MRM2: variants seen among roughly 807,000 people sequenced by gnomAD.
MRM2 encodes mitochondrial rRNA methyltransferase 2.
A neutral mutation model predicts 10.9 loss-of-function variants in MRM2; 15 were observed. The ratio of observed to expected loss-of-function variants is 1.37; its 90% CI spans 0.92 to 2.11. MRM2 has a LOEUF of 2.11. MRM2 is among the 30% of genes most tolerant of loss of function. The pLI, the probability that MRM2 is intolerant of heterozygous loss-of-function variation, is 0.00. For synonymous variants in MRM2, 139 were observed against 128.7 expected (o/e 1.08, Z -0.54); for missense variants, 328 against 321.3 (o/e 1.02, Z -0.16).
Position 2,235,314 on chromosome 7 carries a change from G to A in MRM2, c.549C>T (p.Asp183=), listed in dbSNP as rs1047679335. The change falls in exon 3 of 3, where the codon GAC becomes GAT. Residue 183 remains aspartate (D), a synonymous_variant. Coordinates refer to ENST00000242257, the MANE Select transcript of MRM2 (RefSeq NM_013393.3). ...LCLTLLSVTP[D]ILQPGGTFLC... is the part of the protein sequence containing the mutation. ...GGAATGTCCCCCCAGGTTGCAGGAT[G>A]TCTGGGGTCACGCTGAGAAGGGTCA... 1.9e-6 allele frequency: 3 copies of A among 1,614,098 alleles called. No homozygotes were observed. Among genetic ancestry groups the A allele is most frequent in the Non-Finnish European group, 2.5e-6 (3 of 1,179,978 alleles).
At chr7:2,236,678 C>T (rs1794424361) in intron 2 of MRM2, among the ~76,000 whole-genome samples, 1 of 152,212 alleles carries the variant, frequency 6.6e-6, no homozygotes, top group African/African-American at 2.4e-5. Flanking sequence ...CCAATGTTTA[C>T]ACTAGGAATG....
chr7:2,239,247 G>A, intron 2 of MRM2, 171 bp downstream of exon 2: 2 of 821,072 alleles, frequency 2.4e-6, no homozygotes, highest in Non-Finnish European at 2.2e-6. Flanking sequence ...CTTTCATTTT[G>A]AAAATGGCAG....
rs1794374672 is a variant in MRM2 at position 2,234,373 on chromosome 7, C to T, written c.*749G>A. 1 of 152,198 alleles carries T rather than the reference C, an allele frequency of 6.6e-6. No homozygotes were observed. Among genetic ancestry groups the T allele is most frequent in the Admixed American group, 6.5e-5 (1 of 15,272 alleles). The allele number at this position is 152,198 out of a possible 1,614,324, so 9.4% of individuals were successfully genotyped here. A position where few individuals can be genotyped will look rare whatever the true frequency, so the allele number is the denominator to read the frequency against. On this transcript the variant is annotated 3_prime_UTR_variant, in exon 3 of 3. Transcript: ENST00000242257. ...GCAAAAACCAAAGCAGACCCACTGCCTGGATAAATTCAGACCATACGTCTT... is the reference window on the plus strand; with the variant it reads ...GCAAAAACCAAAGCAGACCCACTGCTTGGATAAATTCAGACCATACGTCTT...
chr7:2,235,626 G>A, intron 2 of MRM2, 62 bp from the exon 3 acceptor site: 5 of 1,135,652 alleles, frequency 4.4e-6, no homozygotes, highest in Admixed American at 2.2e-5. Context: ...CAAAAATACA[G>A]TACATGCAAC....
chr7:2,234,976 A>G lies in MRM2; in HGVS notation c.*146T>C. Reference sequence around the variant, plus strand: ...CATCTCTTTTTGGTTAAAAAGAGAGAGAGAGAAAGAGAGAGAGAGACTCCC... The same window carrying G: ...CATCTCTTTTTGGTTAAAAAGAGAGGGAGAGAAAGAGAGAGAGAGACTCCC... On this transcript the variant is annotated 3_prime_UTR_variant, in exon 3 of 3. Transcript: ENST00000242257. 1.6e-6 allele frequency: 1 copy of G among 634,556 alleles called. No individual in the cohort carries two copies. Among genetic ancestry groups the G allele is most frequent in the East Asian group, 2.7e-5 (1 of 36,912 alleles). The allele number at this position is 634,556 out of a possible 1,614,324, so 39.3% of individuals were successfully genotyped here. A position where few individuals can be genotyped will look rare whatever the true frequency, so the allele number is the denominator to read the frequency against.
intron 1 of MRM2, among the ~76,000 whole-genome samples, chr7:2,241,517 G>C (rs976604058): frequency 4.6e-5 from 7 of 151,592 alleles, no homozygotes; most frequent in African/African-American, 1.7e-4. Context: ...GCCTAGGCTG[G>C]TCTCGAACTC....
intron 1 of MRM2, among the ~76,000 whole-genome samples, chr7:2,240,115 G>A (rs539213555): frequency 1.8e-4 from 28 of 152,242 alleles, no homozygotes; most frequent in African/African-American, 4.1e-4. Context: ...CCAGCTACTC[G>A]GGAGGCTGAA....
At chr7:2,237,712 C>A (rs1173715054) in intron 2 of MRM2, among the ~76,000 whole-genome samples, 1 of 152,010 alleles carries the variant, frequency 6.6e-6, no homozygotes, top group Non-Finnish European at 1.5e-5. Context: ...GAGGCAGAGG[C>A]GGGCGGATCA....
chr7:2,236,983 A>C (rs892530689), intron 2 of MRM2, among the ~76,000 whole-genome samples: 1 of 152,196 alleles, frequency 6.6e-6, no homozygotes, highest in African/African-American at 2.4e-5. Flanking sequence ...TAGTTTTAGC[A>C]AACTGGTGTT....
intron 2 of MRM2, among the ~76,000 whole-genome samples, chr7:2,236,899 G>A (rs986696291): frequency 2.0e-5 from 3 of 152,194 alleles, no homozygotes; most frequent in South Asian, 2.1e-4. Context: ...AGTGAGAAGA[G>A]GGGGAGGCAG....
chr7:2,234,848 C>A lies in MRM2; in HGVS notation c.*274G>T. On this transcript the variant is annotated 3_prime_UTR_variant, in exon 3 of 3. Coordinates refer to ENST00000242257, the MANE Select transcript of MRM2 (RefSeq NM_013393.3). Reference sequence around the variant, plus strand: ...CTGATCCTTCCCACAGTCTGTTTTTCTCCATCCTTCCATCCTCACCTCTTT... The same window carrying A: ...CTGATCCTTCCCACAGTCTGTTTTTATCCATCCTTCCATCCTCACCTCTTT... 1 of 458,384 alleles carries A rather than the reference C, an allele frequency of 2.2e-6. No individual in the cohort carries two copies. Among genetic ancestry groups the A allele is most frequent in the South Asian group, 2.4e-5 (1 of 41,094 alleles). 28.4% of individuals were successfully genotyped at this position (458,384 alleles called of 1,614,324 possible).
intron 1 of MRM2, among the ~76,000 whole-genome samples, chr7:2,240,943 G>A (rs939815465): frequency 2.8e-4 from 42 of 151,800 alleles, no homozygotes; most frequent in African/African-American, 8.0e-4. Flanking sequence ...TGATCTGCCC[G>A]CCTTGGCCTC....
chr7:2,238,094 C>A (rs1794450928), intron 2 of MRM2: 1 of 152,176 alleles, frequency 6.6e-6, no homozygotes, highest in Non-Finnish European at 1.5e-5. Flanking sequence ...TCATGAAACC[C>A]TGAGCCTGTT....
intron 2 of MRM2, among the ~76,000 whole-genome samples, chr7:2,236,145 G>A (rs989279994): frequency 6.6e-6 from 1 of 152,144 alleles, no homozygotes; most frequent in Non-Finnish European, 1.5e-5. Context: ...TAGGAGAATC[G>A]CTTGAACCCG....
intron 2 of MRM2, among the ~76,000 whole-genome samples, chr7:2,237,327 C>T (rs1019153908): frequency 2.0e-5 from 3 of 152,240 alleles, no homozygotes; most frequent in South Asian, 2.1e-4. Context: ...CCTGAGCTTT[C>T]ACTCCTATAA....
chr7:2,235,498 G>A lies in MRM2; in HGVS notation c.365C>T (p.Ala122Val). The stretch of plus-strand genomic sequence containing the variant: ...CACGTCAGCAGGGCACAGAAAAGTT[G>A]CTCCTTCCAGGGGGAATATGTGAAG... ...DLLHIFPLEG[A>V]TFLCPADVTD... The change falls in exon 3 of 3, where the codon GCA becomes GTA. Residue 122 changes from alanine (A) to valine (V), a missense_variant. Coordinates refer to ENST00000242257, the MANE Select transcript of MRM2 (RefSeq NM_013393.3). The A allele has an allele frequency of 1.2e-6, 2 of 1,613,908 alleles. No individual in the cohort carries two copies. Among genetic ancestry groups the A allele is most frequent in the Non-Finnish European group, 1.7e-6 (2 of 1,179,952 alleles).
At chr7:2,239,307 C>G (rs1043160085) in intron 2 of MRM2, 111 bp downstream of exon 2, 2 of 1,055,350 alleles carry the variant, frequency 1.9e-6, no homozygotes, top group African/African-American at 1.6e-5. Context: ...CGGAAGCACA[C>G]GCCTTCAAAA....
At chr7:2,242,061 G>A in intron 1 of MRM2, 101 bp downstream of exon 1, 5 of 1,296,796 alleles carry the variant, frequency 3.9e-6, no homozygotes, top group Non-Finnish European at 5.3e-6. Flanking sequence ...ACGGTGCCCA[G>A]CGCTCGGCAC....
chr7:2,240,059 C>T (rs1249353864), intron 1 of MRM2, among the ~76,000 whole-genome samples: 4 of 152,094 alleles, frequency 2.6e-5, no homozygotes, highest in Admixed American at 2.6e-4. Context: ...CCCGTCTCTA[C>T]TAAAATGCAA....
Sources: gnomAD v4.1 joint callset for allele counts (sites outside exome capture counted in the v4.1 genomes callset) on GRCh38, gnomAD v4.1.1 for gene constraint, MANE v1.5 for transcripts, NCBI Gene and HGNC (gene_info 2026-07-23, HGNC 2026-07-21) for gene names.